The following NRXN1 variants were observed in gnomAD, a reference collection of about 807,000 sequenced individuals.
NRXN1 encodes the protein neurexin 1.
Under a neutral mutation model 150.9 loss-of-function variants are expected in NRXN1, and 39 were observed. That is an observed-to-expected ratio of 0.26 (90% CI 0.20 to 0.34). NRXN1 has a LOEUF of 0.34. Among genes scored for constraint, NRXN1 ranks in the 10% least tolerant of loss-of-function variants. The probability of loss-of-function intolerance (pLI) is 1.00; values close to 1 mark genes in which losing one functional copy is unlikely to be tolerated. For synonymous variants in NRXN1, 924 were observed against 757.0 expected, an observed-to-expected ratio of 1.22 and a Z score of -3.62; for missense variants, 1,815 against 1,949.9, an observed-to-expected ratio of 0.93 and a Z score of 1.30.
intron 18 of NRXN1, among the ~76,000 whole-genome samples, chr2:50,190,249 A>C (rs974991591): frequency 6.6e-6 from 1 of 152,188 alleles, no homozygotes; most frequent in Non-Finnish European, 1.5e-5. Flanking sequence ...TTCAACTATG[A>C]AAAGTTTTTT....
In NRXN1 at chr2:50,995,961, A is replaced by C. The variant is rs984505150; in HGVS notation, c.772+31541T>G. The stretch of plus-strand genomic sequence containing the variant: ...AAAGTTCAGATGATTTTAATGGCTA[A>C]GTATTTACATAGGTTATCATTTTCA... On this transcript the variant is annotated intron_variant, in intron 2 of 22. Transcript: ENST00000401669. Among the ~76,000 whole-genome samples the C allele has an allele frequency of 1.2e-3, 183 of 152,058 alleles. 1 individual carries two copies. Among genetic ancestry groups the C allele is most frequent in the Non-Finnish European group, 6.3e-4 (43 of 67,996 alleles).
At chr2:50,818,099 C>A in intron 5 of NRXN1, among the ~76,000 whole-genome samples, 1 of 130,266 alleles carries the variant, frequency 7.7e-6, no homozygotes, top group Non-Finnish European at 1.6e-5. Flanking sequence ...GTAGAAAACC[C>A]TAAAGACTCC....
chr2:49,929,721 G>C (rs565111647), intron 22 of NRXN1, among the ~76,000 whole-genome samples: 1 of 152,114 alleles, frequency 6.6e-6, no homozygotes, highest in Admixed American at 6.5e-5. Context: ...CATCTTTTAT[G>C]ATTTTTTTTC....
chr2:50,673,653 A>G (rs926032023), intron 5 of NRXN1, among the ~76,000 whole-genome samples: 1 of 152,152 alleles, frequency 6.6e-6, no homozygotes, highest in African/African-American at 2.4e-5. Flanking sequence ...ACCAGCAAAC[A>G]GACAGAAAAA....
intron 18 of NRXN1, among the ~76,000 whole-genome samples, chr2:50,190,700 C>T (rs2152821853): frequency 6.6e-6 from 1 of 150,940 alleles, no homozygotes; most frequent in South Asian, 2.1e-4. Flanking sequence ...GCAACCTCCA[C>T]CTCCCAAGTT....
At chr2:50,078,470 C>T (rs1402787288) in intron 19 of NRXN1, among the ~76,000 whole-genome samples, 1 of 151,876 alleles carries the variant, frequency 6.6e-6, no homozygotes, top group Non-Finnish European at 1.5e-5. Flanking sequence ...TTATCAAAAC[C>T]AAGAAAGTAA....
chr2:50,108,071 T>C (rs1399608614), intron 18 of NRXN1, among the ~76,000 whole-genome samples: 1 of 151,772 alleles, frequency 6.6e-6, no homozygotes, highest in Non-Finnish European at 1.5e-5. Flanking sequence ...ACTACTGTTT[T>C]ATGTTGCCTT....
intron 5 of NRXN1, among the ~76,000 whole-genome samples, chr2:50,819,457 A>G (rs1365482788): frequency 1.3e-5 from 2 of 152,130 alleles, no homozygotes; most frequent in African/African-American, 4.8e-5. Flanking sequence ...TTCCACTTCT[A>G]TGAGGTACCT....
chr2:50,745,012 T>G (rs961710460), intron 5 of NRXN1, among the ~76,000 whole-genome samples: 1 of 152,104 alleles, frequency 6.6e-6, no homozygotes, highest in Admixed American at 6.6e-5. Context: ...TATAAGCACA[T>G]AGTCTCCAAC....
chr2:50,399,942 A>T (rs1029126027), intron 17 of NRXN1, among the ~76,000 whole-genome samples: 2 of 151,650 alleles, frequency 1.3e-5, no homozygotes, highest in Non-Finnish European at 2.9e-5. Context: ...TTAAAAGGAT[A>T]ATGTTGCTTG....
At chr2:50,037,689 G>A (rs937719228) in intron 21 of NRXN1, among the ~76,000 whole-genome samples, 10 of 152,178 alleles carry the variant, frequency 6.6e-5, no homozygotes, top group African/African-American at 2.4e-4. Flanking sequence ...AACCACAGAA[G>A]CATTTAGAAT....
At chr2:50,408,204 G>A (rs1364799047) in intron 17 of NRXN1, among the ~76,000 whole-genome samples, 5 of 152,154 alleles carry the variant, frequency 3.3e-5, no homozygotes. Context: ...ATTTCCAAGG[G>A]CTACTGTGAA....
At chr2:50,056,993 G>C (rs1693748926) in intron 19 of NRXN1, among the ~76,000 whole-genome samples, 1 of 152,066 alleles carries the variant, frequency 6.6e-6, no homozygotes, top group African/African-American at 2.4e-5. Context: ...CCGAATCTAG[G>C]TCGCAAATCC....
intron 6 of NRXN1, 137 bp downstream of exon 6, chr2:50,623,177 C>A: frequency 1.5e-6 from 1 of 651,970 alleles, no homozygotes; most frequent in South Asian, 2.2e-5. Context: ...CAGGAAGATT[C>A]ATCTCAGAAG....
chr2:50,710,044 G>A (rs1694956686), intron 5 of NRXN1, among the ~76,000 whole-genome samples: 1 of 152,130 alleles, frequency 6.6e-6, no homozygotes, highest in Non-Finnish European at 1.5e-5. Context: ...GCATCCACCA[G>A]AACATGTGCA....
chr2:50,350,243 C>T (rs1488578055), intron 17 of NRXN1, among the ~76,000 whole-genome samples: 3 of 152,168 alleles, frequency 2.0e-5, no homozygotes, highest in African/African-American at 2.4e-5. Flanking sequence ...AGCACTCTAA[C>T]TCATGCCTAA....
At chr2:50,377,209 C>A (rs2153025529) in intron 17 of NRXN1, among the ~76,000 whole-genome samples, 1 of 152,190 alleles carries the variant, frequency 6.6e-6, no homozygotes, top group South Asian at 2.1e-4. Context: ...AGGTATTAAG[C>A]CTCCCACACA....
At chr2:50,107,028 A>G (rs141005373) in intron 18 of NRXN1, among the ~76,000 whole-genome samples, 1 of 152,096 alleles carries the variant, frequency 6.6e-6, no homozygotes, top group Non-Finnish European at 1.5e-5. Context: ...TTGATAGAGC[A>G]TCAAGGCAAA....
chr2:49,955,739 T>C (rs1476884069), intron 21 of NRXN1, among the ~76,000 whole-genome samples: 2 of 152,108 alleles, frequency 1.3e-5, no homozygotes, highest in South Asian at 2.1e-4. Flanking sequence ...TCCTTTGTAA[T>C]GTTTTCCTTC....
Sources: allele counts gnomAD v4.1 joint callset (sites outside exome capture counted in the v4.1 genomes callset), GRCh38; gene constraint gnomAD v4.1.1; transcripts MANE v1.5; gene names NCBI Gene and HGNC (gene_info 2026-07-23, HGNC 2026-07-21).